The following ZFPM2 variants were observed in gnomAD, a reference collection of about 807,000 sequenced individuals.
The protein encoded by ZFPM2 is zinc finger protein ZFPM2.
In ZFPM2, 20 loss-of-function variants were observed where a neutral mutation model predicts 98.6. The observed-to-expected ratio is 0.20, with a 90% CI of 0.14 to 0.29. The LOEUF (loss-of-function observed/expected upper bound fraction) is 0.29. ZFPM2 is among the 10% of genes least tolerant of loss of function. The pLI, the probability that ZFPM2 is intolerant of heterozygous loss-of-function variation, is 1.00. For missense variants in ZFPM2, 1,310 were observed against 1,388.6 expected (o/e 0.94, Z 0.90); for synonymous variants, 518 against 502.7 (o/e 1.03, Z -0.41).
chr8:105,611,345 A>C (rs1341342652), intron 4 of ZFPM2, among the ~76,000 whole-genome samples: 1 of 152,248 alleles, frequency 6.6e-6, no homozygotes, highest in Non-Finnish European at 1.5e-5. Flanking sequence ...TCAGTGGCAT[A>C]GCAATCATTC....
intron 5 of ZFPM2, among the ~76,000 whole-genome samples, chr8:105,781,361 T>C (rs1177109646): frequency 1.3e-5 from 2 of 152,228 alleles, no homozygotes; most frequent in South Asian, 2.1e-4. Context: ...CTTAGAACAG[T>C]GCCTGGCACA....
intron 1 of ZFPM2, among the ~76,000 whole-genome samples, chr8:105,390,417 C>T (rs969310898): frequency 6.6e-5 from 10 of 152,194 alleles, no homozygotes; most frequent in Non-Finnish European, 1.2e-4. Context: ...AGCATGGTTT[C>T]GAAGTAGAGC....
chr8:105,475,229 T>C (rs1812988481), intron 3 of ZFPM2, among the ~76,000 whole-genome samples: 1 of 152,204 alleles, frequency 6.6e-6, no homozygotes, highest in African/African-American at 2.4e-5. Context: ...TTCTTCTCCC[T>C]CTAATTTTAT....
rs757406298 is a variant in ZFPM2, at chr8:105,561,414, A to G, written c.353A>G (p.Gln118Arg). 6.2e-7 allele frequency: 1 copy of G among 1,613,516 alleles called. No homozygotes were observed. The highest frequency in any genetic ancestry group is 1.3e-5 in the African/African-American group (1 of 74,918). The change falls in exon 4 of 8, where the codon CAG becomes CGG. Residue 118 changes from glutamine (Q) to arginine (R), a missense_variant. Transcript: ENST00000407775. ...GGGGAACGAAAAATTCAGAGTCGAC[A>G]GCAACTTCCAGTGGGAACAACCTGG... ...KDGERKIQSR[Q>R]QLPVGTTWGP...
At chr8:105,772,238 T>G (rs1812993432) in intron 5 of ZFPM2, among the ~76,000 whole-genome samples, 1 of 152,148 alleles carries the variant, frequency 6.6e-6, no homozygotes. Flanking sequence ...TGACTACCTT[T>G]GTAATATGCA....
chr8:105,672,220 T>G (rs2130906200), intron 5 of ZFPM2, among the ~76,000 whole-genome samples: 1 of 152,148 alleles, frequency 6.6e-6, no homozygotes, highest in African/African-American at 2.4e-5. Flanking sequence ...TATTTTATTT[T>G]TATCTGTTTA....
intron 2 of ZFPM2, among the ~76,000 whole-genome samples, chr8:105,443,223 C>T (rs752027519): frequency 5.4e-4 from 81 of 149,678 alleles, no homozygotes; most frequent in Non-Finnish European, 1.0e-3. Context: ...GCAGGAGAAT[C>T]GCTTGAACCT....
At chr8:105,619,250 T>G (rs1227962638) in intron 4 of ZFPM2, among the ~76,000 whole-genome samples, 2 of 152,136 alleles carry the variant, frequency 1.3e-5, no homozygotes, top group African/African-American at 4.8e-5. Flanking sequence ...CCATCAAATA[T>G]GTGTGTTTGG....
At chr8:105,634,223 G>C (rs370832478) in intron 4 of ZFPM2, 23 bp from the exon 5 acceptor site, 2 of 1,582,118 alleles carry the variant, frequency 1.3e-6, no homozygotes, top group Non-Finnish European at 1.7e-6. Context: ...AATGGCATCT[G>C]TTTGTTATCA....
intron 3 of ZFPM2, among the ~76,000 whole-genome samples, chr8:105,493,907 T>C (rs1813406133): frequency 6.6e-6 from 1 of 152,032 alleles, no homozygotes; most frequent in Non-Finnish European, 1.5e-5. Context: ...TTACTTTGCC[T>C]GTCAAACTCA....
intron 5 of ZFPM2, among the ~76,000 whole-genome samples, chr8:105,784,352 A>T (rs1813349889): frequency 6.8e-6 from 1 of 147,122 alleles, no homozygotes; most frequent in African/African-American, 2.7e-5. Context: ...TGATCCATAA[A>T]CAAATGCAAC....
rs1024895695 is a variant in ZFPM2 at position 105,442,194 on chromosome 8, A to T, written c.200-2086A>T. Among the ~76,000 whole-genome samples, 545 of 146,342 alleles carry T rather than the reference A, an allele frequency of 3.7e-3. 10 individuals are homozygous for T. In the East Asian group the frequency reaches 0.059, roughly 16 times the overall value. ...TAAAAATACAAAAAAAAAAAAAAAA[A>T]TTAGCTGGGTGTGGTGGCAGGCGCC... On this transcript the variant is annotated intron_variant, in intron 2 of 7. Coordinates refer to ENST00000407775, the MANE Select transcript of ZFPM2 (RefSeq NM_012082.4).
chr8:105,341,925 G>C (rs1374140303), intron 1 of ZFPM2, among the ~76,000 whole-genome samples: 1 of 152,018 alleles, frequency 6.6e-6, no homozygotes, highest in African/African-American at 2.4e-5. Context: ...TTCACAGGTT[G>C]TTCATCTGGA....
At chr8:105,799,978 G>C (rs549327063) in intron 7 of ZFPM2, among the ~76,000 whole-genome samples, 1 of 152,048 alleles carries the variant, frequency 6.6e-6, no homozygotes, top group Non-Finnish European at 1.5e-5. Flanking sequence ...CCTTACAAAT[G>C]AGCTATCTTC....
rs184280073 is a variant in ZFPM2, at chr8:105,496,017, C to T, written c.301+51636C>T. 1.3e-3 allele frequency among the ~76,000 whole-genome samples: 194 copies of T among 152,170 alleles called. 2 individuals are homozygous for T. The highest frequency in any genetic ancestry group is 4.6e-3 in the African/African-American group (191 of 41,508). ...AGCCATATTAGGATTACAAAAAAGC[C>T]GGGAATTAACATGGATACAATGCTA... On this transcript the variant is annotated intron_variant, in intron 3 of 7. Transcript: ENST00000407775.
At chr8:105,341,275 C>A (rs1655527427) in intron 1 of ZFPM2, among the ~76,000 whole-genome samples, 1 of 151,842 alleles carries the variant, frequency 6.6e-6, no homozygotes, top group South Asian at 2.1e-4. Context: ...TCAGACATGT[C>A]ATTTATTTAT....
intron 1 of ZFPM2, among the ~76,000 whole-genome samples, chr8:105,338,321 T>C (rs1812363835): frequency 6.6e-6 from 1 of 151,796 alleles, no homozygotes; most frequent in South Asian, 2.1e-4. Flanking sequence ...GACTCTTTGA[T>C]GCATCTCATA....
At chr8:105,330,637 T>TAC (rs1812216043) in intron 1 of ZFPM2, among the ~76,000 whole-genome samples, 5 of 119,464 alleles carry the variant, frequency 4.2e-5, no homozygotes, top group African/African-American at 8.5e-5. Flanking sequence ...TATATACATA[T>TAC]ATATATATAT....
chr8:105,547,484 G>A (rs1312702892), intron 3 of ZFPM2, among the ~76,000 whole-genome samples: 3 of 139,144 alleles, frequency 2.2e-5, no homozygotes, highest in Non-Finnish European at 4.6e-5. Flanking sequence ...GGAGGTTGCA[G>A]TGAGCCAAGA....
Sources: allele counts gnomAD v4.1 joint callset (sites outside exome capture counted in the v4.1 genomes callset), GRCh38; gene constraint gnomAD v4.1.1; transcripts MANE v1.5; gene names NCBI Gene and HGNC (gene_info 2026-07-23, HGNC 2026-07-21).